The following BRI3 variants were observed in gnomAD, a reference collection of about 807,000 sequenced individuals.
BRI3 encodes brain protein I3.
In BRI3, 6 loss-of-function variants were observed where a neutral mutation model predicts 12.8. That is an observed-to-expected ratio of 0.47 (90% CI 0.26 to 0.93). The LOEUF (loss-of-function observed/expected upper bound fraction) is 0.93. BRI3 is among the 40% of genes least tolerant of loss of function. BRI3 has a pLI of 0.15. For synonymous variants in BRI3, 91 were observed against 76.1 expected, an observed-to-expected ratio of 1.20 and a Z score of -1.02; for missense variants, 134 against 171.1, an observed-to-expected ratio of 0.78 and a Z score of 1.21.
downstream of BRI3, chr7:98,312,400 T>G: frequency 1.1e-6 from 1 of 937,436 alleles, no homozygotes; most frequent in Non-Finnish European, 1.6e-6. Flanking sequence ...TTAAACTCGG[T>G]GAGCACTTTA....
chr7:98,292,519 C>A (rs1394377654), downstream of BRI3: 1 of 972,378 alleles, frequency 1.0e-6, no homozygotes. Flanking sequence ...TCCTTGGCAG[C>A]CAAAGATGAT....
intron 2 of BRI3, among the ~76,000 whole-genome samples, chr7:98,290,360 T>C (rs1350024549): frequency 1.4e-5 from 2 of 146,966 alleles, no homozygotes; most frequent in South Asian, 2.2e-4. Flanking sequence ...CGCGCCCGGC[T>C]AATTTTTTGT....
the BRI3 span, among the ~76,000 whole-genome samples, chr7:98,322,666 C>T: frequency 4.6e-5 from 7 of 152,266 alleles, no homozygotes; most frequent in African/African-American, 1.4e-4. Context: ...TCCCATCCAC[C>T]CCCAGCACTC....
exon 2 of BRI3, chr7:98,308,772 G>A (rs544949806): frequency 1.0e-4 from 16 of 157,226 alleles, no homozygotes; most frequent in African/African-American, 3.6e-4. Context: ...GGACTTCCCA[G>A]GCTTAAAGGA....
intron 2 of BRI3, among the ~76,000 whole-genome samples, chr7:98,286,013 G>T (rs1193136707): frequency 6.6e-6 from 1 of 152,194 alleles, no homozygotes; most frequent in Non-Finnish European, 1.5e-5. Flanking sequence ...GTGCGCAGAG[G>T]GCAGCTTGGT....
the BRI3 span, chr7:98,317,207 T>C: frequency 6.2e-7 from 1 of 1,614,126 alleles, no homozygotes; most frequent in Admixed American, 1.7e-5. Context: ...AAGATATTGT[T>C]GAAAAGCTCA....
At chr7:98,315,638 A>AATAATAATT in the BRI3 span, 1 of 1,090,338 alleles carries the variant, frequency 9.2e-7, no homozygotes, top group Non-Finnish European at 1.2e-6. Flanking sequence ...TAATAATAAT[A>AATAATAATT]ATAATTATAT....
Position 98,291,453 on chromosome 7 carries a change from T to C in BRI3, c.*210T>C. The C allele has an allele frequency of 4.4e-6, 6 of 1,371,400 alleles. No homozygotes were observed. Among genetic ancestry groups the C allele is most frequent in the Non-Finnish European group, 5.6e-6 (6 of 1,063,768 alleles). The allele number at this position is 1,371,400 out of a possible 1,614,324, so 85.0% of individuals were successfully genotyped here. A position where few individuals can be genotyped will look rare whatever the true frequency, so the allele number is the denominator to read the frequency against. ...TCATGACAACTCAATAAAGCACTGCTTTTATTTTTTGCAGTCTTCAATTTG... is the reference window on the plus strand; with the variant it reads ...TCATGACAACTCAATAAAGCACTGCCTTTATTTTTTGCAGTCTTCAATTTG... On this transcript the variant is annotated 3_prime_UTR_variant, in exon 3 of 3. Coordinates refer to ENST00000297290, the MANE Select transcript of BRI3 (RefSeq NM_015379.5).
the BRI3 span, chr7:98,315,538 A>G: frequency 6.6e-7 from 1 of 1,520,844 alleles, no homozygotes. Context: ...TCTTCTCTTC[A>G]AGCAGAGCCT....
intron 1 of BRI3, among the ~76,000 whole-genome samples, chr7:98,298,020 C>T (rs2116802520): frequency 6.6e-6 from 1 of 150,802 alleles, no homozygotes; most frequent in East Asian, 2.0e-4. Context: ...TGCCTGAGGT[C>T]AGGAGTTCAA....
downstream of BRI3, among the ~76,000 whole-genome samples, chr7:98,295,135 C>T (rs77467006): frequency 4.4e-4 from 67 of 152,338 alleles, no homozygotes; most frequent in African/African-American, 1.6e-3. Context: ...TAGGGGAGGC[C>T]CTCTCATGCC....
At chr7:98,294,314 G>A (rs914287237), downstream of BRI3, among the ~76,000 whole-genome samples, 2 of 152,176 alleles carry the variant, frequency 1.3e-5, no homozygotes, top group Admixed American at 1.3e-4. Flanking sequence ...TTTTTAATAA[G>A]ACCCGAAGGT....
At chr7:98,292,327 T>G, downstream of BRI3, 1 of 351,440 alleles carries the variant, frequency 2.8e-6, no homozygotes, top group South Asian at 3.2e-5. Context: ...GTTCAAGTGA[T>G]TCTCCTGCCT....
chr7:98,317,785 G>A, the BRI3 span, among the ~76,000 whole-genome samples: 11 of 149,764 alleles, frequency 7.3e-5, 1 homozygote, highest in African/African-American at 2.7e-4. Flanking sequence ...CACTGGCCGG[G>A]GCCCTCGCTC....
Position 98,291,038 on chromosome 7 carries a change from A to T in BRI3, c.246-73A>T, listed in dbSNP as rs952973226. The T allele has an allele frequency of 1.2e-5, 19 of 1,567,042 alleles. No homozygotes were observed. The African/African-American group carries it at 2.6e-4, about 21-fold the overall frequency. On this transcript the variant is annotated intron_variant, in intron 2 of 2. Coordinates refer to ENST00000297290, the MANE Select transcript of BRI3 (RefSeq NM_015379.5). ...GGCCACTGGTTGGTTATTGAATGCA[A>T]GGGTGGCAGGGGTGAGGGTTCTGGC...
chr7:98,286,956 G>C (rs1799729697), intron 2 of BRI3, among the ~76,000 whole-genome samples: 1 of 152,148 alleles, frequency 6.6e-6, no homozygotes, highest in South Asian at 2.1e-4. Flanking sequence ...GTGGAATCCT[G>C]GGGGGTAGGG....
At chr7:98,283,421 G>A (rs555907843) in intron 2 of BRI3, among the ~76,000 whole-genome samples, 1 of 152,122 alleles carries the variant, frequency 6.6e-6, no homozygotes, top group Non-Finnish European at 1.5e-5. Context: ...GACCTCGGGG[G>A]CAGGTTGTGG....
downstream of BRI3, among the ~76,000 whole-genome samples, chr7:98,313,766 A>G (rs1800966138): frequency 1.4e-5 from 2 of 145,986 alleles, no homozygotes; most frequent in South Asian, 2.2e-4. Context: ...CCACAGATGC[A>G]CATCACCACA....
downstream of BRI3, among the ~76,000 whole-genome samples, chr7:98,296,019 C>T (rs955595466): frequency 3.9e-5 from 6 of 152,198 alleles, no homozygotes; most frequent in Admixed American, 2.6e-4. Context: ...CCGAGACACT[C>T]GGGCAGCCCT....
Sources: gnomAD v4.1 joint callset for allele counts (sites outside exome capture counted in the v4.1 genomes callset) on GRCh38, gnomAD v4.1.1 for gene constraint, MANE v1.5 for transcripts, NCBI Gene and HGNC (gene_info 2026-07-23, HGNC 2026-07-21) for gene names.